Variants in SCAP observed in about 807,000 individuals in gnomAD.
SCAP encodes sterol regulatory element-binding protein cleavage-activating protein.
SCAP carries 65 observed loss-of-function variants against 123.6 expected under a neutral mutation model. That is an observed-to-expected ratio of 0.53 (90% CI 0.43 to 0.65). SCAP has a LOEUF of 0.65. Among genes scored for constraint, SCAP ranks in the 30% least tolerant of loss-of-function variants. The pLI is 0.00. For synonymous variants in SCAP, 740 were observed against 726.3 expected (o/e 1.02, Z -0.30); for missense variants, 1,398 against 1,712.5 (o/e 0.82, Z 3.24).
At position 47,420,240 on chromosome 3, in the gene SCAP, G is replaced by A. The variant is rs576267172; in HGVS notation, c.1563+314C>T. On this transcript the variant is annotated intron_variant, in intron 12 of 22. Transcript: ENST00000265565. This position sits in a 1 kb window ranked among gnomAD's most constrained non-coding sequence, Gnocchi z 5.0. ...CAGCGGCCGATGAACCCGACCCAGGGCAATGTGGTGGCCACAAGTGGGTCC... is the reference window on the plus strand; with the variant it reads ...CAGCGGCCGATGAACCCGACCCAGGACAATGTGGTGGCCACAAGTGGGTCC... 6.6e-6 allele frequency among the ~76,000 whole-genome samples: 1 copy of A among 152,340 alleles called. No individual in the cohort carries two copies. The highest frequency in any genetic ancestry group is 6.5e-5 in the Admixed American group (1 of 15,306).
chr3:47,464,267 C>T (rs752714053), intron 1 of SCAP, among the ~76,000 whole-genome samples: 7 of 152,154 alleles, frequency 4.6e-5, no homozygotes, highest in East Asian at 3.9e-4. Flanking sequence ...CCGCCTGCCT[C>T]GGCCTCTCAA....
chr3:47,475,163 C>A (rs903714263), intron 1 of SCAP, among the ~76,000 whole-genome samples: 1 of 151,780 alleles, frequency 6.6e-6, no homozygotes, highest in Non-Finnish European at 1.5e-5. Flanking sequence ...GACTCACTGC[C>A]CCCCCCTCCG....
Position 47,420,239 on chromosome 3 carries a change from G to A in SCAP, c.1563+315C>T, listed in dbSNP as rs1471447789. Among the ~76,000 whole-genome samples, 1 of 152,196 alleles carries A rather than the reference G, an allele frequency of 6.6e-6. No homozygotes were observed. The highest frequency in any genetic ancestry group is 2.4e-5 in the African/African-American group (1 of 41,460). On this transcript the variant is annotated intron_variant, in intron 12 of 22. Transcript: ENST00000265565. This position sits in a 1 kb window ranked among gnomAD's most constrained non-coding sequence, Gnocchi z 5.0. Reference sequence around the variant, plus strand: ...GCAGCGGCCGATGAACCCGACCCAGGGCAATGTGGTGGCCACAAGTGGGTC... The same window carrying A: ...GCAGCGGCCGATGAACCCGACCCAGAGCAATGTGGTGGCCACAAGTGGGTC...
rs1417224658 is a variant in SCAP, at chr3:47,418,821, T to A, written c.1963A>T (p.Ile655Phe). ...AKRYISLLPV[I>F]PVTLRLNPRE... is the part of the protein sequence containing the mutation. ...GGGTTCAGGCGGAGCGTGACTGGGA[T>A]GACGGGCAGCAGGCTGATGTACCTG... is the stretch of plus-strand genomic sequence containing the variant. Residue 655 changes from isoleucine (I) to phenylalanine (F), a missense_variant, in exon 14 of 23, where the codon ATC becomes TTC. By Grantham distance (21) the Ile-to-Phe change is conservative (BLOSUM62 0). Coordinates refer to ENST00000265565, the MANE Select transcript of SCAP (RefSeq NM_012235.4). 6.5e-7 allele frequency: 1 copy of A among 1,528,070 alleles called. No individual in the cohort carries two copies. The highest frequency in any genetic ancestry group is 2.3e-5 in the East Asian group (1 of 44,026). The allele number at this position is 1,528,070 out of a possible 1,614,324, so 94.7% of individuals were successfully genotyped here.
rs1705412590 is a variant in SCAP at position 47,413,703 on chromosome 3, A to ATGAT, written c.*147_*150dup. The stretch of plus-strand genomic sequence containing the variant: ...AAGTAGCTCCCAAAGTGCCTGACAG[A>ATGAT]TGATGATATGGTTTTTTAAAAAAGT... On this transcript the variant is annotated 3_prime_UTR_variant, in exon 23 of 23. Transcript: ENST00000265565. The ATGAT allele has an allele frequency of 9.3e-7, 1 of 1,073,402 alleles. No homozygotes were observed. The highest frequency in any genetic ancestry group is 1.3e-6 in the Non-Finnish European group (1 of 745,198). 66.5% of individuals were successfully genotyped at this position (1,073,402 alleles called of 1,614,324 possible).
Position 47,413,715 on chromosome 3 carries a change from T to C in SCAP, c.*139A>G. On this transcript the variant is annotated 3_prime_UTR_variant, in exon 23 of 23. Transcript: ENST00000265565. ...AAGTGCCTGACAGATGATGATATGG[T>C]TTTTTAAAAAAGTTTAATATTATTA... 4.9e-6 allele frequency: 6 copies of C among 1,225,500 alleles called. No homozygotes were observed. Among genetic ancestry groups the C allele is most frequent in the Non-Finnish European group, 6.8e-6 (6 of 881,978 alleles). 75.9% of individuals were successfully genotyped at this position (1,225,500 alleles called of 1,614,324 possible). A position where few individuals can be genotyped will look rare whatever the true frequency, so the allele number is the denominator to read the frequency against.
At position 47,426,060 on chromosome 3, in the gene SCAP, C is replaced by A. The variant is rs753592679; in HGVS notation, c.847G>T (p.Ala283Ser). 6.2e-7 allele frequency: 1 copy of A among 1,614,028 alleles called. No individual in the cohort carries two copies. The highest frequency in any genetic ancestry group is 8.5e-7 in the Non-Finnish European group (1 of 1,180,006). Residue 283 changes from alanine to serine, a missense_variant, in exon 7 of 23, where the codon GCT becomes TCT. By Grantham distance (99) the Ala-to-Ser change is moderately conservative. Transcript: ENST00000265565. Reference sequence around the variant, plus strand: ...GTGGTCACAAGGGGGATGAGCTCAGCGACACCAATCTCCTCCTTGAAGTGC... The same window carrying A: ...GTGGTCACAAGGGGGATGAGCTCAGAGACACCAATCTCCTCCTTGAAGTGC... ...HVHFKEEIGVAELIPLVTTYI... is the reference protein window; with the variant it reads ...HVHFKEEIGVSELIPLVTTYI...
rs1313111887 is a variant in SCAP, at chr3:47,417,226, T to C, written c.2971-19A>G. 1 of 1,612,776 alleles carries C rather than the reference T, an allele frequency of 6.2e-7. No individual in the cohort carries two copies. The highest frequency in any genetic ancestry group is 1.1e-5 in the South Asian group (1 of 91,088). Reference sequence around the variant, plus strand: ...CCCACACCTACGAGTCCAGAGGCTGTGAGCACCTGCCAGCCAGAAAGGCCC... The same window carrying C: ...CCCACACCTACGAGTCCAGAGGCTGCGAGCACCTGCCAGCCAGAAAGGCCC... On this transcript the variant is annotated intron_variant, in intron 17 of 22. Coordinates refer to ENST00000265565, the MANE Select transcript of SCAP (RefSeq NM_012235.4).
chr3:47,422,218 G>C (rs1194651642), intron 10 of SCAP, among the ~76,000 whole-genome samples: 7 of 152,282 alleles, frequency 4.6e-5, no homozygotes, highest in Non-Finnish European at 8.8e-5. Context: ...GCCTGGCTAG[G>C]TGCTCAATCT....
chr3:47,468,341 G>A (rs1707910137), intron 1 of SCAP, among the ~76,000 whole-genome samples: 1 of 152,176 alleles, frequency 6.6e-6, no homozygotes, highest in African/African-American at 2.4e-5. Flanking sequence ...CACCAACAGT[G>A]TAAAAGGGTT....
rs75114530 is a variant in SCAP at position 47,418,357 on chromosome 3, C to T, written c.2295G>A (p.Thr765=). ...CDDYGYAPPE[T]EIVPLVLRGH... Reference sequence around the variant, plus strand: ...CGCGCAGCACAAGCGGCACGATCTCCGTCTCGGGTGGCGCATAGCCGTAGT... The same window carrying T: ...CGCGCAGCACAAGCGGCACGATCTCTGTCTCGGGTGGCGCATAGCCGTAGT... The change falls in exon 15 of 23, where the codon ACG becomes ACA. Residue 765 remains threonine, a synonymous_variant. Coordinates refer to ENST00000265565, the MANE Select transcript of SCAP (RefSeq NM_012235.4). 504 of 1,570,762 alleles carry T rather than the reference C, an allele frequency of 3.2e-4. 2 individuals carry two copies. In the African/African-American group the frequency reaches 6.2e-3, roughly 19 times the overall value.
intron 14 of SCAP, 56 bp from the exon 15 acceptor site, chr3:47,418,578 CCTCCCTCTCCCCTA>C (rs1705747290): frequency 1.3e-6 from 2 of 1,544,392 alleles, no homozygotes; most frequent in Admixed American, 1.9e-5. Flanking sequence ...CCCCTCCCCT[CCTCCCTCTCCCCTA>C]CTCTTGCCTA....
At chr3:47,415,399 G>A (rs1051676332) in intron 18 of SCAP, among the ~76,000 whole-genome samples, 2 of 152,282 alleles carry the variant, frequency 1.3e-5, no homozygotes, top group South Asian at 2.1e-4. Flanking sequence ...ATGGGGATAA[G>A]AGTACCCACC....
chr3:47,418,796 G>A lies in SCAP; in HGVS notation c.1988C>T (p.Pro663Leu), dbSNP rs778749312. 16 of 1,553,118 alleles carry A rather than the reference G, an allele frequency of 1.0e-5. No individual in the cohort carries two copies. Among genetic ancestry groups the A allele is most frequent in the Middle Eastern group, 1.7e-4 (1 of 5,746 alleles). Residue 663 changes from proline (P) to leucine (L), a missense_variant, in exon 14 of 23, where the codon CCG becomes CTG. Physicochemically the swap from Pro to Leu is moderately conservative, Grantham distance 98. Transcript: ENST00000265565. ...PVIPVTLRLN[P>L]REALEGRHPQ... ...GTGCCGGCCCTCCAGAGCCTCCCTC[G>A]GGTTCAGGCGGAGCGTGACTGGGAT...
In SCAP at chr3:47,472,881, G is replaced by C. The variant is rs148875000; in HGVS notation, c.-99+2918C>G. On this transcript the variant is annotated intron_variant, in intron 1 of 22. Transcript: ENST00000265565. ...GGATCACCTGAGATCGGGAGTCTGA[G>C]ACCAGCCTGACCAATAGGGAGAAAC... is the stretch of plus-strand genomic sequence containing the variant. Among the ~76,000 whole-genome samples the C allele has an allele frequency of 8.1e-3, 1,236 of 152,012 alleles. 8 individuals carry two copies. Among genetic ancestry groups the C allele is most frequent in the South Asian group, 0.012 (59 of 4,818 alleles).
Position 47,426,264 on chromosome 3 carries a change from T to A in SCAP, c.738-95A>T, listed in dbSNP as rs1706125594. The A allele has an allele frequency of 3.2e-6, 4 of 1,247,030 alleles. No homozygotes were observed. In the South Asian group the frequency reaches 5.7e-5, roughly 18 times the overall value. The allele number at this position is 1,247,030 out of a possible 1,614,324, so 77.2% of individuals were successfully genotyped here. On this transcript the variant is annotated intron_variant, in intron 6 of 22. Coordinates refer to ENST00000265565, the MANE Select transcript of SCAP (RefSeq NM_012235.4). ...GACAGAGGGTCCATCAGGACCTCCCTCCTGCCCCTGTGTTGAAAGGGAACT... is the reference window on the plus strand; with the variant it reads ...GACAGAGGGTCCATCAGGACCTCCCACCTGCCCCTGTGTTGAAAGGGAACT...
chr3:47,415,344 C>T (rs1705526419), intron 18 of SCAP, among the ~76,000 whole-genome samples, 164 bp from the exon 19 acceptor site: 1 of 152,216 alleles, frequency 6.6e-6, no homozygotes, highest in African/African-American at 2.4e-5. Flanking sequence ...CAGAGGGCAA[C>T]TCCAAATATT....
At chr3:47,455,874 C>T (rs1707405647) in intron 1 of SCAP, among the ~76,000 whole-genome samples, 1 of 152,034 alleles carries the variant, frequency 6.6e-6, no homozygotes. Flanking sequence ...ACTAACTTCA[C>T]CAAATAACAA....
At chr3:47,418,634 C>A in intron 14 of SCAP, 21 bp downstream of exon 14, 1 of 1,572,702 alleles carries the variant, frequency 6.4e-7, no homozygotes, top group Non-Finnish European at 8.7e-7. Flanking sequence ...TTTCCCACCC[C>A]ACCCCACCCA....
Sources: allele counts gnomAD v4.1 joint callset (sites outside exome capture counted in the v4.1 genomes callset), GRCh38; gene constraint gnomAD v4.1.1; non-coding constraint Gnocchi (gnomAD v3.1); transcripts MANE v1.5; gene names NCBI Gene and HGNC (gene_info 2026-07-23, HGNC 2026-07-21).